The following ASAP2 variants were observed in gnomAD, a reference collection of about 807,000 sequenced individuals.
ASAP2 encodes the protein arf-GAP with SH3 domain, ANK repeat and PH domain-containing protein 2.
In ASAP2, 45 loss-of-function variants were observed where a neutral mutation model predicts 131.4. The ratio of observed to expected loss-of-function variants is 0.34; its 90% CI spans 0.27 to 0.44. The LOEUF (loss-of-function observed/expected upper bound fraction) is 0.44. ASAP2 is among the 20% of genes least tolerant of loss of function. ASAP2 has a pLI of 1.00. For synonymous variants in ASAP2, 510 were observed against 503.0 expected, an observed-to-expected ratio of 1.01 and a Z score of -0.19; for missense variants, 1,011 against 1,297.0, an observed-to-expected ratio of 0.78 and a Z score of 3.39.
chr2:9,209,436 A>G (rs1572161833), intron 1 of ASAP2, among the ~76,000 whole-genome samples: 1 of 152,246 alleles, frequency 6.6e-6, no homozygotes, highest in South Asian at 2.1e-4. Flanking sequence ...TTTAAACAAA[A>G]ATCTTCTCAT....
rs888044411 is a variant in ASAP2 at position 9,207,851 on chromosome 2, C to G, written c.126+621C>G. Among the ~76,000 whole-genome samples the G allele has an allele frequency of 2.6e-5, 4 of 152,184 alleles. No individual in the cohort carries two copies. Among genetic ancestry groups the G allele is most frequent in the African/African-American group, 7.2e-5 (3 of 41,464 alleles). On this transcript the variant is annotated intron_variant, in intron 1 of 27. Coordinates refer to ENST00000281419, the MANE Select transcript of ASAP2 (RefSeq NM_003887.3). This position sits in a 1 kb window ranked among gnomAD's most constrained non-coding sequence, Gnocchi z 4.1. ...CAAGAAGCCTCCAGGAGCCGCTCCC[C>G]GGTTACCTGGGTCTCACCTGCTTGA... is the stretch of plus-strand genomic sequence containing the variant.
chr2:9,400,223 C>G, intron 25 of ASAP2, 151 bp downstream of exon 25: 1 of 713,780 alleles, frequency 1.4e-6, no homozygotes, highest in Non-Finnish European at 2.3e-6. Context: ...GCCCCCTCCC[C>G]TCCTGCCCCC....
At chr2:9,240,245 A>ATTTTTTTTTTTTTTT (rs34070129) in intron 1 of ASAP2, among the ~76,000 whole-genome samples, 2 of 127,068 alleles carry the variant, frequency 1.6e-5, no homozygotes, top group Non-Finnish European at 3.3e-5. Flanking sequence ...TCCTCCCATA[A>ATTTTTTTTTTTTTTT]TTTTTTTTTT....
At chr2:9,266,022 C>T (rs183902887) in intron 1 of ASAP2, among the ~76,000 whole-genome samples, 238 of 152,256 alleles carry the variant, frequency 1.6e-3, no homozygotes, top group African/African-American at 5.4e-3. Context: ...GATCCACCCC[C>T]CCACCCCCTG....
chr2:9,208,411 G>GT (rs774423539), intron 1 of ASAP2, among the ~76,000 whole-genome samples: 4,378 of 130,132 alleles, frequency 0.034, 151 homozygotes, highest in African/African-American at 0.075. Flanking sequence ...TTTTTTTCTG[G>GT]TTTTTTTTTT....
intron 1 of ASAP2, among the ~76,000 whole-genome samples, chr2:9,215,371 A>C (rs962677312): frequency 4.6e-5 from 7 of 152,180 alleles, no homozygotes; most frequent in Non-Finnish European, 7.3e-5. Flanking sequence ...TTCTTTACTA[A>C]AGCATTTAAT....
At chr2:9,315,013 A>G (rs2148475871) in intron 3 of ASAP2, among the ~76,000 whole-genome samples, 2 of 152,090 alleles carry the variant, frequency 1.3e-5, no homozygotes, top group South Asian at 4.2e-4. Context: ...TTAGTAGAGA[A>G]GGTGGCGTTT....
At chr2:9,270,249 A>C (rs1204689058) in intron 1 of ASAP2, among the ~76,000 whole-genome samples, 1 of 151,510 alleles carries the variant, frequency 6.6e-6, no homozygotes, top group Admixed American at 6.6e-5. Flanking sequence ...TTTTACACAT[A>C]AGTTCCCGTG....
intron 1 of ASAP2, among the ~76,000 whole-genome samples, chr2:9,222,841 C>T (rs1662523421): frequency 6.6e-6 from 1 of 152,170 alleles, no homozygotes; most frequent in African/African-American, 2.4e-5. Flanking sequence ...CTGGTCCCAC[C>T]TTTTCCTTGG....
intron 15 of ASAP2, among the ~76,000 whole-genome samples, chr2:9,361,416 G>A (rs185534529): frequency 1.3e-5 from 2 of 152,272 alleles, no homozygotes; most frequent in Non-Finnish European, 2.9e-5. Flanking sequence ...TCATGGTGTC[G>A]TGGCTCTAAA....
At chr2:9,211,171 AGTTT>A (rs1483807789) in intron 1 of ASAP2, among the ~76,000 whole-genome samples, 2 of 146,468 alleles carry the variant, frequency 1.4e-5, no homozygotes, top group Non-Finnish European at 3.0e-5. Flanking sequence ...AAAAAAAAAA[AGTTT>A]GTTGTCCTGG....
intron 12 of ASAP2, among the ~76,000 whole-genome samples, chr2:9,352,683 G>GT (rs1325763673): frequency 6.6e-6 from 1 of 152,230 alleles, no homozygotes; most frequent in Non-Finnish European, 1.5e-5. Context: ...CCTTACACGT[G>GT]TGGGAATGCA....
chr2:9,214,301 G>A (rs186685743), intron 1 of ASAP2, among the ~76,000 whole-genome samples: 43 of 152,118 alleles, frequency 2.8e-4, no homozygotes, highest in East Asian at 2.3e-3. Context: ...GCAGTGGTGC[G>A]ATCTCGGTTC....
rs768309685 is a variant in ASAP2 at position 9,207,224 on chromosome 2, C to A, written c.120C>A (p.Ile40=). 2 of 1,588,806 alleles carry A rather than the reference C, an allele frequency of 1.3e-6. No homozygotes were observed. The highest frequency in any genetic ancestry group is 2.3e-5 in the South Asian group (2 of 88,258). The change falls in exon 1 of 28, where the codon ATC becomes ATA. Residue 40 remains isoleucine (I), a synonymous_variant. Transcript: ENST00000281419. This position sits in a 1 kb window ranked among gnomAD's most constrained non-coding sequence, Gnocchi z 4.1. ...TAQCRNTVAA[I]EEALDVDRMV... is the part of the protein sequence containing the mutation. ...AGTGCCGGAACACTGTGGCGGCCAT[C>A]GAGGAGGTGAGGCGGCCTGCGCGGC...
intron 6 of ASAP2, among the ~76,000 whole-genome samples, chr2:9,323,639 G>A (rs916462791): frequency 6.6e-6 from 1 of 152,186 alleles, no homozygotes. Context: ...AACATACAGC[G>A]ATGACAGACC....
At chr2:9,310,211 A>G (rs1281441670) in intron 3 of ASAP2, among the ~76,000 whole-genome samples, 1 of 152,224 alleles carries the variant, frequency 6.6e-6, no homozygotes, top group East Asian at 1.9e-4. Flanking sequence ...CATTTGCTCG[A>G]ATTAAAATCT....
intron 21 of ASAP2, among the ~76,000 whole-genome samples, chr2:9,386,321 A>G (rs1190640980): frequency 6.6e-6 from 1 of 151,942 alleles, no homozygotes; most frequent in Non-Finnish European, 1.5e-5. Flanking sequence ...AAATTACTTC[A>G]CTGAGTTAGC....
intron 1 of ASAP2, among the ~76,000 whole-genome samples, chr2:9,265,869 T>A (rs1665901769): frequency 6.6e-6 from 1 of 152,164 alleles, no homozygotes; most frequent in Non-Finnish European, 1.5e-5. Context: ...ACCTCCCCGG[T>A]TCAAGTGATT....
At chr2:9,371,206 G>C (rs531554140) in intron 16 of ASAP2, among the ~76,000 whole-genome samples, 10 of 152,166 alleles carry the variant, frequency 6.6e-5, no homozygotes, top group African/African-American at 9.7e-5. Context: ...AAATGAGGGC[G>C]GATGACCCGT....
Sources: gnomAD v4.1 joint callset for allele counts (sites outside exome capture counted in the v4.1 genomes callset) on GRCh38, gnomAD v4.1.1 for gene constraint, Gnocchi (gnomAD v3.1) non-coding constraint, MANE v1.5 for transcripts, NCBI Gene and HGNC (gene_info 2026-07-23, HGNC 2026-07-21) for gene names.